The following DAZAP1 variants were observed in gnomAD, a reference collection of about 807,000 sequenced individuals.
DAZAP1 encodes the protein DAZ associated protein 1.
In DAZAP1, 6 loss-of-function variants were observed where a neutral mutation model predicts 60.1. The ratio of observed to expected loss-of-function variants is 0.10; its 90% CI spans 0.05 to 0.20. The LOEUF (loss-of-function observed/expected upper bound fraction) is 0.20, where lower values mean the gene tolerates loss of function less well. DAZAP1 is among the 10% of genes least tolerant of loss of function. The pLI is 1.00. For missense variants in DAZAP1, 366 were observed against 560.4 expected (o/e 0.65, Z 3.50); for synonymous variants, 235 against 215.9 (o/e 1.09, Z -0.78).
chr19:1,429,291 C>T (rs951364175), intron 8 of DAZAP1, among the ~76,000 whole-genome samples: 1 of 152,262 alleles, frequency 6.6e-6, no homozygotes, highest in Admixed American at 6.5e-5. Flanking sequence ...TGTGCCACGG[C>T]AGGTCTGAGC....
intron 4 of DAZAP1, among the ~76,000 whole-genome samples, chr19:1,419,005 G>A (rs1378812066): frequency 6.6e-6 from 1 of 151,526 alleles, no homozygotes; most frequent in Non-Finnish European, 1.5e-5. Flanking sequence ...TGTGCCCTGT[G>A]TGCCCTCTGT....
chr19:1,429,801 T>G (rs889391743), intron 8 of DAZAP1, among the ~76,000 whole-genome samples, 166 bp from the exon 9 acceptor site: 12 of 152,214 alleles, frequency 7.9e-5, no homozygotes, highest in East Asian at 5.8e-4. Context: ...GGGGAGTGCT[T>G]CTCTGCTCAG....
chr19:1,429,247 A>T (rs2083381073), intron 8 of DAZAP1, among the ~76,000 whole-genome samples: 1 of 152,254 alleles, frequency 6.6e-6, no homozygotes, highest in East Asian at 1.9e-4. Flanking sequence ...TGTCACCGGG[A>T]AGAGCTGCAG....
chr19:1,408,833 G>T (rs951619005), intron 1 of DAZAP1, among the ~76,000 whole-genome samples: 2 of 152,224 alleles, frequency 1.3e-5, no homozygotes, highest in Non-Finnish European at 2.9e-5. Flanking sequence ...GGCTCCTGCC[G>T]CAGCGACGTC....
rs1035259409 is a variant in DAZAP1 at position 1,432,778 on chromosome 19, G to A, written c.1048+88G>A. On this transcript the variant is annotated intron_variant, in intron 11 of 11. Transcript: ENST00000233078. This position sits in a 1 kb window ranked among gnomAD's most constrained non-coding sequence, Gnocchi z 4.9. ...TCTTCTGCTTCCTCCCCTGCTGGAC[G>A]CTCCCCAGCCTTTACCTGGTGGGAA... 7.8e-6 allele frequency: 11 copies of A among 1,416,442 alleles called. No homozygotes were observed. Among genetic ancestry groups the A allele is most frequent in the East Asian group, 4.6e-5 (2 of 43,092 alleles). The allele number at this position is 1,416,442 out of a possible 1,614,324, so 87.7% of individuals were successfully genotyped here.
intron 1 of DAZAP1, among the ~76,000 whole-genome samples, chr19:1,413,983 A>T (rs1037280549): frequency 2.9e-5 from 4 of 137,188 alleles, no homozygotes; most frequent in Non-Finnish European, 4.7e-5. Context: ...CCCCACCCCC[A>T]GTGAACTGTG....
rs1327518805 is a variant in DAZAP1 at position 1,426,960 on chromosome 19, C to T, written c.546+1000C>T. The T allele has an allele frequency of 6.6e-6, 1 of 152,202 alleles. No individual in the cohort carries two copies. The highest frequency in any genetic ancestry group is 2.1e-4 in the South Asian group (1 of 4,822). 9.4% of individuals were successfully genotyped at this position (152,202 alleles called of 1,614,324 possible). ...GAGCATCGTGCTCATTATCTCCTGC[C>T]CCTGCCCTCTACCCCAGCCAGAGGT... On this transcript the variant is annotated intron_variant, in intron 7 of 11. Coordinates refer to ENST00000233078, the MANE Select transcript of DAZAP1 (RefSeq NM_018959.4). This position sits in a 1 kb window ranked among gnomAD's most constrained non-coding sequence, Gnocchi z 5.4.
rs2083469690 is a variant in DAZAP1 at position 1,432,212 on chromosome 19, G to A, written c.872-302G>A. ...TTCTGAAAGAGCAATTTTGCTGTGA[G>A]GTTACTTGCTCCTTGAGTTCTTGTC... is the stretch of plus-strand genomic sequence containing the variant. On this transcript the variant is annotated intron_variant, in intron 10 of 11. Transcript: ENST00000233078. This position sits in a 1 kb window ranked among gnomAD's most constrained non-coding sequence, Gnocchi z 4.9. 6.4e-6 allele frequency: 3 copies of A among 465,318 alleles called. No homozygotes were observed. Among genetic ancestry groups the A allele is most frequent in the Admixed American group, 7.8e-5 (2 of 25,632 alleles). The allele number at this position is 465,318 out of a possible 1,614,324, so 28.8% of individuals were successfully genotyped here. A position where few individuals can be genotyped will look rare whatever the true frequency, so the allele number is the denominator to read the frequency against.
At position 1,423,733 on chromosome 19, in the gene DAZAP1, T is replaced by C. The variant is rs2083225727; in HGVS notation, c.463+1337T>C. The stretch of plus-strand genomic sequence containing the variant: ...ACCGATGCTGTGTTCCAATACTGCC[T>C]CTGATCTTGGGAAACTTGAGCGCGC... On this transcript the variant is annotated intron_variant, in intron 6 of 11. Coordinates refer to ENST00000233078, the MANE Select transcript of DAZAP1 (RefSeq NM_018959.4). This position sits in a 1 kb window ranked among gnomAD's most constrained non-coding sequence, Gnocchi z 6.8. Among the ~76,000 whole-genome samples the C allele has an allele frequency of 6.6e-6, 1 of 152,266 alleles. No individual in the cohort carries two copies. The highest frequency in any genetic ancestry group is 2.1e-4 in the South Asian group (1 of 4,834).
rs904303305 is a variant in DAZAP1 at position 1,433,792 on chromosome 19, A to T, written c.1049-945A>T. 1.2e-6 allele frequency: 2 copies of T among 1,613,848 alleles called. No individual in the cohort carries two copies. Among genetic ancestry groups the T allele is most frequent in the Non-Finnish European group, 1.7e-6 (2 of 1,179,910 alleles). On this transcript the variant is annotated intron_variant, in intron 11 of 11. Transcript: ENST00000233078. The surrounding 1 kb of genome is among the most constrained non-coding windows in gnomAD (Gnocchi z 6.1). The stretch of plus-strand genomic sequence containing the variant: ...GGGCTGCGGCCCACACTTTGTTTAC[A>T]GTCTTATGGTCAGGCTGAGCAGTGA...
At position 1,430,254 on chromosome 19, in the gene DAZAP1, G is replaced by GGA; in HGVS notation, c.763_764insGA (p.Ala255GlyfsTer81). The GGA allele has an allele frequency of 7.7e-7, 1 of 1,295,268 alleles. No homozygotes were observed. Among genetic ancestry groups the GGA allele is most frequent in the Admixed American group, 2.0e-5 (1 of 48,784 alleles). The allele number at this position is 1,295,268 out of a possible 1,614,324, so 80.2% of individuals were successfully genotyped here. A position where few individuals can be genotyped will look rare whatever the true frequency, so the allele number is the denominator to read the frequency against. The stretch of plus-strand genomic sequence containing the variant: ...TGGACCGCCCCCTGCAGGAAGAGGA[G>GGA]CCCCCCCGCCACCCCCACCGTTCAC... On this transcript the variant is annotated frameshift_variant, in exon 10 of 12. Transcript: ENST00000233078. LOFTEE classifies it high-confidence loss of function.
chr19:1,420,668 T>G (rs2083130628), intron 4 of DAZAP1, among the ~76,000 whole-genome samples: 1 of 152,032 alleles, frequency 6.6e-6, no homozygotes, highest in African/African-American at 2.4e-5. Flanking sequence ...AGGGGCTGTG[T>G]GGTTTGGGCC....
Position 1,432,607 on chromosome 19 carries a change from C to G in DAZAP1, c.965C>G (p.Ala322Gly). 6.2e-7 allele frequency: 1 copy of G among 1,613,718 alleles called. No homozygotes were observed. The change falls in exon 11 of 12, where the codon GCT (alanine) becomes GGT (glycine). Residue 322 changes from alanine (A) to glycine (G), a missense_variant. By Grantham distance (60) the Ala-to-Gly change is moderately conservative. Around this residue, in one of 3 missense-constraint regions of DAZAP1, gnomAD observed 240 missense variants for 308.8 expected, o/e 0.78. Coordinates refer to ENST00000233078, the MANE Select transcript of DAZAP1 (RefSeq NM_018959.4). This position sits in a 1 kb window ranked among gnomAD's most constrained non-coding sequence, Gnocchi z 4.9. Reference protein sequence around the residue: ...PPATPGAAPLAFPPPPSQAAP... With the variant: ...PPATPGAAPLGFPPPPSQAAP... ...GCCACTCCCGGGGCAGCACCTCTGG[C>G]TTTCCCACCGCCTCCGTCTCAGGCT... is the stretch of plus-strand genomic sequence containing the variant.
intron 10 of DAZAP1, among the ~76,000 whole-genome samples, chr19:1,431,017 A>G (rs1039997376): frequency 6.6e-6 from 1 of 150,724 alleles, no homozygotes; most frequent in African/African-American, 2.4e-5. Context: ...GACTGCGCCC[A>G]GCCTCACAGG....
chr19:1,407,904 G>T, intron 1 of DAZAP1, 102 bp downstream of exon 1: 1 of 985,076 alleles, frequency 1.0e-6, no homozygotes. Flanking sequence ...CCCCGTCAAG[G>T]TCACGCCGGC....
At chr19:1,413,687 A>C (rs973752937) in intron 1 of DAZAP1, among the ~76,000 whole-genome samples, 1 of 152,206 alleles carries the variant, frequency 6.6e-6, no homozygotes, top group Non-Finnish European at 1.5e-5. Flanking sequence ...CTGTCATCCT[A>C]GCACTTTGGG....
Position 1,425,058 on chromosome 19 carries a change from T to C in DAZAP1, c.464-820T>C, listed in dbSNP as rs2083272954. 6.6e-6 allele frequency among the ~76,000 whole-genome samples: 1 copy of C among 152,224 alleles called. No individual in the cohort carries two copies. The highest frequency in any genetic ancestry group is 1.9e-4 in the East Asian group (1 of 5,188). On this transcript the variant is annotated intron_variant, in intron 6 of 11. Coordinates refer to ENST00000233078, the MANE Select transcript of DAZAP1 (RefSeq NM_018959.4). The surrounding 1 kb of genome is among the most constrained non-coding windows in gnomAD (Gnocchi z 5.4). ...TAAATTTTTTTTGCCTTTAAAATTT[T>C]CTGTTTTGATCCCATGGTGCATCTC...
intron 6 of DAZAP1, among the ~76,000 whole-genome samples, chr19:1,424,360 C>T (rs1264015269): frequency 8.0e-6 from 1 of 124,316 alleles, no homozygotes; most frequent in African/African-American, 2.9e-5. Context: ...CCCTCCCCCT[C>T]CCCCCTCCCC....
rs1004910474 is a variant in DAZAP1 at position 1,422,857 on chromosome 19, T to TTTTTC, written c.463+465_463+466insCTTTT. 2.0e-5 allele frequency among the ~76,000 whole-genome samples: 3 copies of TTTTTC among 151,462 alleles called. No individual in the cohort carries two copies. The highest frequency in any genetic ancestry group is 7.3e-5 in the African/African-American group (3 of 40,998). ...CTTTTTTCCTTTTCTTTTCTTTTTC[T>TTTTTC]TTTTTTTCAGTTTTCTCCCCTCTCT... On this transcript the variant is annotated intron_variant, in intron 6 of 11. Transcript: ENST00000233078. This position sits in a 1 kb window ranked among gnomAD's most constrained non-coding sequence, Gnocchi z 4.5.
Sources: gnomAD v4.1 joint callset for allele counts (sites outside exome capture counted in the v4.1 genomes callset) on GRCh38, gnomAD v4.1.1 for gene constraint, gnomAD v4.1.1 regional missense constraint, Gnocchi (gnomAD v3.1) non-coding constraint, MANE v1.5 for transcripts, NCBI Gene and HGNC (gene_info 2026-07-23, HGNC 2026-07-21) for gene names.